NELFA: variants seen among roughly 807,000 people sequenced by gnomAD.
NELFA encodes the protein negative elongation factor A.
A neutral mutation model predicts 51.8 loss-of-function variants in NELFA; 35 were observed. The observed-to-expected ratio is 0.68, with a 90% CI of 0.52 to 0.90. The LOEUF (loss-of-function observed/expected upper bound fraction) is 0.90, where lower values mean the gene tolerates loss of function less well. NELFA is among the 40% of genes least tolerant of loss of function. NELFA has a pLI of 0.00. For missense variants in NELFA, 658 were observed against 746.4 expected (o/e 0.88, Z 1.38); for synonymous variants, 417 against 338.4 (o/e 1.23, Z -2.55).
At position 1,985,049 on chromosome 4, in the gene NELFA, A is replaced by G. The variant is rs1229873529; in HGVS notation, c.925-130T>C. ...GAGCTAGAGCAGGAAGGCGGGGGCC[A>G]CTCTCCCGAGCTCCCTGGGCTAGAC... On this transcript the variant is annotated intron_variant, in intron 7 of 10. Coordinates refer to ENST00000382882, the MANE Select transcript of NELFA (RefSeq NM_005663.5). The G allele has an allele frequency of 6.2e-6, 4 of 647,480 alleles. No individual in the cohort carries two copies. In the East Asian group the frequency reaches 9.3e-5, roughly 15 times the overall value. 40.1% of individuals were successfully genotyped at this position (647,480 alleles called of 1,614,324 possible). A position where few individuals can be genotyped will look rare whatever the true frequency, so the allele number is the denominator to read the frequency against.
chr4:1,983,325 C>A lies in NELFA; in HGVS notation c.1581G>T (p.Val527=). The A allele has an allele frequency of 6.2e-7, 1 of 1,613,832 alleles. No individual in the cohort carries two copies. The highest frequency in any genetic ancestry group is 8.5e-7 in the Non-Finnish European group (1 of 1,179,830). ...RFKKYKPMTN[V]S is the part of the protein sequence containing the mutation. ...AGCTGTGAGGCAGGTGGTTCTAGGA[C>A]ACATTGGTCATGGGCTTGTACTTCT... Residue 527 remains valine, a synonymous_variant, in exon 11 of 11, where the codon GTG becomes GTT. Coordinates refer to ENST00000382882, the MANE Select transcript of NELFA (RefSeq NM_005663.5).
chr4:1,987,841 C>A (rs1338360192), intron 4 of NELFA, 77 bp downstream of exon 4: 2 of 1,253,674 alleles, frequency 1.6e-6, no homozygotes, highest in Admixed American at 2.5e-5. Context: ...ACCTCCCCAA[C>A]AGGGAGCGGG....
At chr4:1,987,572 C>T (rs751612218) in intron 4 of NELFA, 9 of 247,768 alleles carry the variant, frequency 3.6e-5, no homozygotes, top group Admixed American at 5.6e-5. Flanking sequence ...CGAGAGCCAC[C>T]GGTGCCAACA....
chr4:1,987,000 G>C (rs1481547490), intron 4 of NELFA, among the ~76,000 whole-genome samples: 1 of 152,146 alleles, frequency 6.6e-6, no homozygotes, highest in East Asian at 1.9e-4. Flanking sequence ...GGTGGGGGTG[G>C]AAAGACAAGG....
Position 1,983,381 on chromosome 4 carries a change from T to A in NELFA, c.1525A>T (p.Asn509Tyr). The change falls in exon 11 of 11, where the codon AAC becomes TAC. Residue 509 changes from asparagine (N) to tyrosine (Y), a missense_variant. Transcript: ENST00000382882. The part of the protein sequence containing the change: ...TMLVDTVFEM[N>Y]YATGQWTRFK... ...CGCGTCCACTGGCCCGTGGCATAGT[T>A]CATCTCAAACACTGTGTCCACCAGC... The A allele has an allele frequency of 1.2e-6, 2 of 1,614,210 alleles. No homozygotes were observed. The highest frequency in any genetic ancestry group is 1.7e-6 in the Non-Finnish European group (2 of 1,180,036).
Position 1,983,294 on chromosome 4 carries a change from A to G in NELFA, c.*25T>C. 1 of 1,597,260 alleles carries G rather than the reference A, an allele frequency of 6.3e-7. No homozygotes were observed. Among genetic ancestry groups the G allele is most frequent in the Non-Finnish European group, 8.6e-7 (1 of 1,167,872 alleles). On this transcript the variant is annotated 3_prime_UTR_variant, in exon 11 of 11. Transcript: ENST00000382882. ...ATCGTCCCGTGGACCCCCACAAGTGACGGCCAGCTGTGAGGCAGGTGGTTC... is the reference window on the plus strand; with the variant it reads ...ATCGTCCCGTGGACCCCCACAAGTGGCGGCCAGCTGTGAGGCAGGTGGTTC...
At chr4:2,008,611 G>A (rs1316464227) in intron 1 of NELFA, 139 bp downstream of exon 1, 5 of 973,618 alleles carry the variant, frequency 5.1e-6, no homozygotes, top group African/African-American at 1.7e-5. Flanking sequence ...GGGGCGTGAG[G>A]GCGGGCCGGG....
rs1277269553 is a variant in NELFA, at chr4:2,006,665, A to T, written c.210+2085T>A. 3.4e-5 allele frequency among the ~76,000 whole-genome samples: 5 copies of T among 148,350 alleles called. No individual in the cohort carries two copies. The Admixed American group carries it at 3.5e-4, about 10-fold the overall frequency. ...AGCGCATCAGTCCCAGCTACTACAG[A>T]GGTTTAGGAGGGAGGACTGCTTAAG... is the stretch of plus-strand genomic sequence containing the variant. On this transcript the variant is annotated intron_variant, in intron 1 of 10. Transcript: ENST00000382882.
chr4:1,999,687 T>A (rs545012858), intron 1 of NELFA, among the ~76,000 whole-genome samples: 1 of 152,118 alleles, frequency 6.6e-6, no homozygotes, highest in African/African-American at 2.4e-5. Flanking sequence ...CACACAATAA[T>A]AGGGGGAGAC....
intron 1 of NELFA, chr4:2,003,912 G>A (rs556175442): frequency 2.0e-5 from 3 of 151,826 alleles, no homozygotes; most frequent in African/African-American, 7.2e-5. Flanking sequence ...CAGCACTTTG[G>A]GAGGCCAAGG....
At chr4:2,000,456 T>C (rs1386700764) in intron 1 of NELFA, among the ~76,000 whole-genome samples, 1 of 151,732 alleles carries the variant, frequency 6.6e-6, no homozygotes, top group African/African-American at 2.4e-5. Flanking sequence ...ATAATGATAA[T>C]AATAAAGATG....
chr4:2,008,339 C>G (rs1389126144), intron 1 of NELFA, among the ~76,000 whole-genome samples: 1 of 150,302 alleles, frequency 6.7e-6, no homozygotes, highest in East Asian at 2.0e-4. Context: ...GGAGTGAGGA[C>G]CTGGGGGTCG....
At chr4:1,984,281 A>G (rs1235641926) in intron 8 of NELFA, among the ~76,000 whole-genome samples, 168 bp from the exon 9 acceptor site, 1 of 152,162 alleles carries the variant, frequency 6.6e-6, no homozygotes, top group East Asian at 1.9e-4. Flanking sequence ...CCCCAGCCAG[A>G]GGAACAAGGC....
At chr4:1,987,489 C>T (rs1431519293) in intron 4 of NELFA, 1 of 166,360 alleles carries the variant, frequency 6.0e-6, no homozygotes, top group Non-Finnish European at 1.3e-5. Context: ...GTCACGTCCT[C>T]CCCGCGGAGC....
At chr4:2,007,215 C>A in intron 1 of NELFA, 1 of 338,308 alleles carries the variant, frequency 3.0e-6, no homozygotes, top group South Asian at 2.1e-5. Flanking sequence ...TCAAACAAAA[C>A]ACAAACACAA....
chr4:2,008,950 T>C lies in NELFA; in HGVS notation c.10A>G (p.Met4Val). Reference sequence around the variant, plus strand: ...CACAGGCCCGTGTCGCTCTCCCGCATGGACGCCATCTTGGGGGAAAGCGCG... The same window carrying C: ...CACAGGCCCGTGTCGCTCTCCCGCACGGACGCCATCTTGGGGGAAAGCGCG... MASMRESDTGLWLH... is the reference protein window; with the variant it reads MASVRESDTGLWLH... The change falls in exon 1 of 11, where the codon ATG becomes GTG. Residue 4 changes from methionine (M) to valine (V), a missense_variant. Around this residue, in one of 3 missense-constraint regions of NELFA, gnomAD observed 371 missense variants for 448.3 expected, o/e 0.83. Coordinates refer to ENST00000382882, the MANE Select transcript of NELFA (RefSeq NM_005663.5). The C allele has an allele frequency of 2.6e-6, 4 of 1,560,366 alleles. No homozygotes were observed. The highest frequency in any genetic ancestry group is 2.6e-6 in the Non-Finnish European group (3 of 1,152,114).
At chr4:1,997,648 T>G (rs1259767394) in intron 1 of NELFA, among the ~76,000 whole-genome samples, 2 of 152,228 alleles carry the variant, frequency 1.3e-5, no homozygotes, top group Non-Finnish European at 1.5e-5. Context: ...AAAATCACTA[T>G]GGAGAAAGTA....
At chr4:1,995,087 C>T (rs1487005610) in intron 1 of NELFA, among the ~76,000 whole-genome samples, 2 of 152,218 alleles carry the variant, frequency 1.3e-5, no homozygotes, top group African/African-American at 4.8e-5. Flanking sequence ...GGCGAGGGCC[C>T]TCCCTACTGC....
chr4:2,008,394 G>C (rs906118200), intron 1 of NELFA, among the ~76,000 whole-genome samples: 103 of 151,486 alleles, frequency 6.8e-4, no homozygotes, highest in African/African-American at 2.4e-3. Flanking sequence ...GAGGATCCCA[G>C]GGGAGGTGAA....
Sources: allele counts gnomAD v4.1 joint callset (sites outside exome capture counted in the v4.1 genomes callset), GRCh38; gene constraint gnomAD v4.1.1; regional missense constraint gnomAD v4.1.1; transcripts MANE v1.5; gene names NCBI Gene and HGNC (gene_info 2026-07-23, HGNC 2026-07-21).